The following R3HDM2 variants were observed in gnomAD, a reference collection of about 807,000 sequenced individuals.
R3HDM2 encodes the protein R3H domain containing 2.
A neutral mutation model predicts 124.5 loss-of-function variants in R3HDM2; 38 were observed. The observed-to-expected ratio is 0.31, with a 90% CI of 0.24 to 0.40. The LOEUF is 0.40. R3HDM2 is among the 10% of genes least tolerant of loss of function. R3HDM2 has a pLI of 1.00. For missense variants in R3HDM2, 869 were observed against 1,236.9 expected (o/e 0.70, Z 4.46); for synonymous variants, 391 against 448.0 (o/e 0.87, Z 1.61).
chr12:57,287,168 T>C (rs2047544150), intron 12 of R3HDM2, among the ~76,000 whole-genome samples: 1 of 152,216 alleles, frequency 6.6e-6, no homozygotes. Context: ...CTTAAATCTC[T>C]CTGCTTTTGT....
intron 2 of R3HDM2, among the ~76,000 whole-genome samples, chr12:57,321,204 A>G (rs1007298880): frequency 3.3e-5 from 5 of 152,344 alleles, no homozygotes; most frequent in African/African-American, 9.6e-5. Context: ...AACATTTCCA[A>G]TTTTGGGTTT....
At chr12:57,274,433 C>T (rs773017313) in intron 14 of R3HDM2, among the ~76,000 whole-genome samples, 3 of 152,122 alleles carry the variant, frequency 2.0e-5, no homozygotes, top group Non-Finnish European at 4.4e-5. Context: ...GAGATCGCAC[C>T]ACCACTGCAC....
intron 2 of R3HDM2, among the ~76,000 whole-genome samples, chr12:57,375,235 G>A (rs2138104301): frequency 6.6e-6 from 1 of 152,098 alleles, no homozygotes; most frequent in East Asian, 1.9e-4. Context: ...ATTAATTTCA[G>A]ACAACTGGAA....
intron 19 of R3HDM2, 124 bp downstream of exon 19, chr12:57,266,607 G>T: frequency 9.6e-6 from 7 of 728,436 alleles, no homozygotes; most frequent in Middle Eastern, 2.4e-4. Context: ...CTTTGTGATG[G>T]AGTCACAGTG....
At chr12:57,312,348 C>T (rs1043150743) in intron 2 of R3HDM2, among the ~76,000 whole-genome samples, 8 of 149,848 alleles carry the variant, frequency 5.3e-5, no homozygotes, top group Non-Finnish European at 1.2e-4. Flanking sequence ...CACTCTGTCA[C>T]CCAGGCTGGA....
chr12:57,332,666 G>A (rs1023648618), intron 2 of R3HDM2, among the ~76,000 whole-genome samples: 1 of 152,134 alleles, frequency 6.6e-6, no homozygotes, highest in African/African-American at 2.4e-5. Flanking sequence ...CTTATAACCT[G>A]TGAATCTAAC....
At chr12:57,321,830 T>C (rs1183677998) in intron 2 of R3HDM2, among the ~76,000 whole-genome samples, 1 of 152,064 alleles carries the variant, frequency 6.6e-6, no homozygotes, top group African/African-American at 2.4e-5. Context: ...CAGAAAATGA[T>C]TGCTCAGGAC....
At chr12:57,309,373 T>C (rs897345692) in intron 3 of R3HDM2, among the ~76,000 whole-genome samples, 1 of 152,108 alleles carries the variant, frequency 6.6e-6, no homozygotes, top group Non-Finnish European at 1.5e-5. Flanking sequence ...CTCTAACAGG[T>C]AGATGAGAGG....
chr12:57,258,096 G>C lies in R3HDM2; in HGVS notation c.2343C>G (p.Thr781=). 3 of 1,588,898 alleles carry C rather than the reference G, an allele frequency of 1.9e-6. No individual in the cohort carries two copies. Among genetic ancestry groups the C allele is most frequent in the Non-Finnish European group, 2.6e-6 (3 of 1,165,516 alleles). Residue 781 remains threonine, a synonymous_variant, in exon 21 of 24, where the codon ACC becomes ACG. Transcript: ENST00000402412. ...TGACAGGAGAGGGTGCTGGAGACTG[G>C]GTAGGAGATGTGACAGGGCTGCTGC... The part of the protein sequence containing the change: ...QMSSSPVTSP[T]QSPAPSPVTS...
intron 14 of R3HDM2, among the ~76,000 whole-genome samples, chr12:57,276,163 T>A (rs1333666405): frequency 1.4e-5 from 2 of 145,498 alleles, no homozygotes; most frequent in Non-Finnish European, 3.0e-5. Context: ...TGAGTCAAGA[T>A]CGTGCCACTG....
chr12:57,328,560 T>C (rs746624019), intron 2 of R3HDM2, among the ~76,000 whole-genome samples: 1 of 152,114 alleles, frequency 6.6e-6, no homozygotes, highest in Non-Finnish European at 1.5e-5. Flanking sequence ...GGTCTCTCAG[T>C]AGGTTGCCCA....
intron 1 of R3HDM2, among the ~76,000 whole-genome samples, chr12:57,428,344 T>C (rs1010671152): frequency 1.3e-5 from 2 of 151,956 alleles, no homozygotes; most frequent in East Asian, 3.9e-4. Context: ...AAGCTAAGAT[T>C]GGTTTGGCTG....
At chr12:57,387,583 G>A (rs987127909) in intron 2 of R3HDM2, among the ~76,000 whole-genome samples, 3 of 152,116 alleles carry the variant, frequency 2.0e-5, no homozygotes, top group Admixed American at 2.0e-4. Flanking sequence ...AATATTTAAT[G>A]TTATAACTCA....
Position 57,255,901 on chromosome 12 carries a change from A to C in R3HDM2, c.2632+89T>G, listed in dbSNP as rs1592284065. The C allele has an allele frequency of 6.9e-6, 8 of 1,164,172 alleles. No homozygotes were observed. The East Asian group carries it at 1.9e-4, about 28-fold the overall frequency. 72.1% of individuals were successfully genotyped at this position (1,164,172 alleles called of 1,614,324 possible). Reference sequence around the variant, plus strand: ...GGTCCCACTTCCACTCCCCATCCTAAGCTGGCTTTTCCCACCCATGCTGGA... The same window carrying C: ...GGTCCCACTTCCACTCCCCATCCTACGCTGGCTTTTCCCACCCATGCTGGA... On this transcript the variant is annotated intron_variant, in intron 23 of 23. Coordinates refer to ENST00000402412, the MANE Select transcript of R3HDM2 (RefSeq NM_001394031.1).
At chr12:57,317,711 G>A (rs184762729) in intron 2 of R3HDM2, among the ~76,000 whole-genome samples, 9 of 150,466 alleles carry the variant, frequency 6.0e-5, no homozygotes, top group Non-Finnish European at 1.2e-4. Flanking sequence ...AGAGGAACGG[G>A]CCAGGCCGGG....
intron 1 of R3HDM2, among the ~76,000 whole-genome samples, chr12:57,403,994 A>C (rs2068282639): frequency 6.6e-6 from 1 of 151,030 alleles, no homozygotes; most frequent in South Asian, 2.1e-4. Context: ...TATCCATCCC[A>C]TGTGCTTACT....
At chr12:57,343,186 A>AT (rs760665727) in intron 2 of R3HDM2, among the ~76,000 whole-genome samples, 1,723 of 133,948 alleles carry the variant, frequency 0.013, 32 homozygotes, top group African/African-American at 0.033. Flanking sequence ...TCGGGTCTTA[A>AT]TTTTTTTTTT....
At chr12:57,381,108 G>A (rs2064806035) in intron 2 of R3HDM2, among the ~76,000 whole-genome samples, 1 of 152,050 alleles carries the variant, frequency 6.6e-6, no homozygotes, top group East Asian at 1.9e-4. Context: ...GTGCACACCT[G>A]TAATCCCTGC....
chr12:57,343,574 A>C (rs2059803838), intron 2 of R3HDM2, among the ~76,000 whole-genome samples: 1 of 152,060 alleles, frequency 6.6e-6, no homozygotes. Flanking sequence ...GCAGTGCATG[A>C]TCTGCAACAG....
Sources: gnomAD v4.1 joint callset for allele counts (sites outside exome capture counted in the v4.1 genomes callset) on GRCh38, gnomAD v4.1.1 for gene constraint, MANE v1.5 for transcripts, NCBI Gene and HGNC (gene_info 2026-07-23, HGNC 2026-07-21) for gene names.